Variants in MYO10 observed in about 807,000 individuals in gnomAD.
MYO10 encodes the protein unconventional myosin-X.
Under a neutral mutation model 257.3 loss-of-function variants are expected in MYO10, and 133 were observed. The ratio of observed to expected loss-of-function variants is 0.52; its 90% confidence interval spans 0.45 to 0.60. The LOEUF (loss-of-function observed/expected upper bound fraction) is 0.60. Ranked by LOEUF, MYO10 falls within the 20% of genes least tolerant of loss-of-function variation. The probability of loss-of-function intolerance (pLI) is 0.00; values close to 1 mark genes in which losing one functional copy is unlikely to be tolerated. For missense variants in MYO10, 2,399 were observed against 2,635.7 expected, an observed-to-expected ratio of 0.91 and a Z score of 1.97; for synonymous variants, 1,104 against 1,028.6, an observed-to-expected ratio of 1.07 and a Z score of -1.40.
chr5:16,929,147 G>T (rs1746226225), intron 1 of MYO10, among the ~76,000 whole-genome samples: 2 of 151,612 alleles, frequency 1.3e-5, no homozygotes, highest in South Asian at 4.2e-4. Context: ...AGAGATGGGG[G>T]TTTCACCGTG....
chr5:16,801,240 C>T (rs1742111057), intron 3 of MYO10, among the ~76,000 whole-genome samples: 1 of 152,166 alleles, frequency 6.6e-6, no homozygotes, highest in Non-Finnish European at 1.5e-5. Context: ...CAGAGTCTCG[C>T]TCCGTTGCCC....
At chr5:16,675,199 G>A (rs555984611) in intron 34 of MYO10, 49 bp from the exon 35 acceptor site, 4 of 1,589,542 alleles carry the variant, frequency 2.5e-6, no homozygotes, top group South Asian at 2.2e-5. Flanking sequence ...GTTCAGAATA[G>A]GGCATGAGCA....
chr5:16,695,320 T>C (rs772098018), intron 26 of MYO10, among the ~76,000 whole-genome samples: 9 of 152,062 alleles, frequency 5.9e-5, no homozygotes, highest in Non-Finnish European at 1.0e-4. Flanking sequence ...GGTGACAGAG[T>C]GAGACTCCGT....
chr5:16,748,915 TC>T (rs35953104), intron 19 of MYO10, among the ~76,000 whole-genome samples: 23,400 of 151,524 alleles, frequency 0.15, 1,980 homozygotes, highest in African/African-American at 0.2. Context: ...GGAGCTGACA[TC>T]CCCCCAAAGT....
At chr5:16,866,755 C>CTA (rs1180931036) in intron 2 of MYO10, among the ~76,000 whole-genome samples, 1 of 152,144 alleles carries the variant, frequency 6.6e-6, no homozygotes, top group Non-Finnish European at 1.5e-5. Context: ...GAATCTAACC[C>CTA]TATCTGTCCC....
intron 4 of MYO10, among the ~76,000 whole-genome samples, chr5:16,787,068 C>CTGA (rs1741602735): frequency 1.3e-5 from 2 of 152,160 alleles, no homozygotes; most frequent in South Asian, 4.1e-4. Context: ...ACTCAGGAGG[C>CTGA]TGAGGCAGGA....
intron 19 of MYO10, among the ~76,000 whole-genome samples, chr5:16,747,918 C>CAAAAAAAA (rs777257950): frequency 2.9e-4 from 9 of 30,520 alleles, no homozygotes; most frequent in Non-Finnish European, 1.2e-3. Context: ...AACTCCGTCT[C>CAAAAAAAA]AAAAAAAAAA....
intron 17 of MYO10, among the ~76,000 whole-genome samples, chr5:16,758,494 C>T (rs912976235): frequency 6.6e-6 from 1 of 152,206 alleles, no homozygotes; most frequent in Non-Finnish European, 1.5e-5. Flanking sequence ...CACTTAGGAG[C>T]TCTGTGCTTT....
rs367565824 is a variant in MYO10 at position 16,711,203 on chromosome 5, G to A, written c.1972C>T (p.Arg658Trp). 42 of 1,612,876 alleles carry A rather than the reference G, an allele frequency of 2.6e-5. No individual in the cohort carries two copies. Among genetic ancestry groups the A allele is most frequent in the East Asian group, 8.9e-5 (4 of 44,862 alleles). The stretch of plus-strand genomic sequence containing the variant: ...ACAGTCTCCAGCATCCCTGAGTACC[G>A]CAGCTGGTTCAGCACAACCGCCTGG... ...FDQAVVLNQL[R>W]YSGMLETVRI... The change falls in exon 20 of 41, where the codon CGG becomes TGG. Residue 658 changes from arginine (R) to tryptophan (W), a missense_variant. Around this residue, in one of 3 missense-constraint regions of MYO10, gnomAD observed 1,820 missense variants for 1,939.4 expected, o/e 0.94. Transcript: ENST00000513610.
intron 33 of MYO10, among the ~76,000 whole-genome samples, chr5:16,679,620 G>T (rs1440347399): frequency 1.3e-5 from 2 of 150,712 alleles, no homozygotes; most frequent in Non-Finnish European, 2.9e-5. Flanking sequence ...TGCCTCGGAG[G>T]TTCAAGCAAG....
intron 19 of MYO10, among the ~76,000 whole-genome samples, chr5:16,729,812 CAACCCTACG>C (rs1328011848): frequency 6.6e-6 from 1 of 152,076 alleles, no homozygotes; most frequent in East Asian, 1.9e-4. Context: ...GTACCCCAGC[CAACCCTACG>C]AACTCATCCA....
rs1454014639 is a variant in MYO10 at position 16,685,806 on chromosome 5, C to G, written c.3922G>C (p.Val1308Leu). Reference sequence around the variant, plus strand: ...ATCTCCTGGTCCGTGGACGCGTGGACCTGACTCAGCACGCTGAACCACTGG... The same window carrying G: ...ATCTCCTGGTCCGTGGACGCGTGGAGCTGACTCAGCACGCTGAACCACTGG... The part of the protein sequence containing the change: ...ASQWFSVLSQ[V>L]HASTDQEIQE... Residue 1308 changes from valine (V) to leucine (L), a missense_variant, in exon 29 of 41, where the codon GTC becomes CTC. By Grantham distance (32) the Val-to-Leu change is conservative. Around this residue, in one of 3 missense-constraint regions of MYO10, gnomAD observed 1,820 missense variants for 1,939.4 expected, o/e 0.94. Coordinates refer to ENST00000513610, the MANE Select transcript of MYO10 (RefSeq NM_012334.3). 6.2e-7 allele frequency: 1 copy of G among 1,601,498 alleles called. No homozygotes were observed. Among genetic ancestry groups the G allele is most frequent in the Non-Finnish European group, 8.5e-7 (1 of 1,174,490 alleles).
chr5:16,710,610 G>A (rs1738555355), intron 21 of MYO10: 1 of 397,220 alleles, frequency 2.5e-6, no homozygotes, highest in East Asian at 4.7e-5. Context: ...CCAAAGTACT[G>A]TTATTCGTCT....
rs1034480921 is a variant in MYO10, at chr5:16,784,065, G to A, written c.468-596C>T. Among the ~76,000 whole-genome samples, 7 of 152,246 alleles carry A rather than the reference G, an allele frequency of 4.6e-5. No homozygotes were observed. In the East Asian group the frequency reaches 9.7e-4, roughly 21 times the overall value. On this transcript the variant is annotated intron_variant, in intron 4 of 40. Coordinates refer to ENST00000513610, the MANE Select transcript of MYO10 (RefSeq NM_012334.3). ...TGATCCAAAGTCCTGCCAAGGTCACGTGTTAGTGATAGTTAAGGACAAGTG... is the reference window on the plus strand; with the variant it reads ...TGATCCAAAGTCCTGCCAAGGTCACATGTTAGTGATAGTTAAGGACAAGTG...
At chr5:16,772,320 CA>C (rs1741077931) in intron 9 of MYO10, among the ~76,000 whole-genome samples, 1 of 152,108 alleles carries the variant, frequency 6.6e-6, no homozygotes, top group East Asian at 1.9e-4. Context: ...TTAGTAGAGA[CA>C]GGGGGTTCTC....
intron 2 of MYO10, among the ~76,000 whole-genome samples, chr5:16,853,064 T>TA (rs958967964): frequency 2.6e-5 from 4 of 151,638 alleles, no homozygotes; most frequent in African/African-American, 4.8e-5. Flanking sequence ...AAATCCATTA[T>TA]AAAAAAAAAT....
At chr5:16,671,573 T>C in intron 37 of MYO10, 31 bp from the exon 38 acceptor site, 2 of 1,613,660 alleles carry the variant, frequency 1.2e-6, no homozygotes, top group East Asian at 4.5e-5. Flanking sequence ...AGGCTCAGAA[T>C]ATGAACGAGA....
Position 16,663,172 on chromosome 5 carries a change from G to T in MYO10, c.*3520C>A, listed in dbSNP as rs1413082032. 1 of 152,060 alleles carries T rather than the reference G, an allele frequency of 6.6e-6. No individual in the cohort carries two copies. The highest frequency in any genetic ancestry group is 2.4e-5 in the African/African-American group (1 of 41,384). 9.4% of individuals were successfully genotyped at this position (152,060 alleles called of 1,614,324 possible). A position where few individuals can be genotyped will look rare whatever the true frequency, so the allele number is the denominator to read the frequency against. The stretch of plus-strand genomic sequence containing the variant: ...GTTTGTTTCCATCTATTAAAAATGA[G>T]GATGGGGATATATATGTATGTATGA... On this transcript the variant is annotated 3_prime_UTR_variant, in exon 41 of 41. Coordinates refer to ENST00000513610, the MANE Select transcript of MYO10 (RefSeq NM_012334.3).
chr5:16,882,533 A>C (rs1322043768), intron 1 of MYO10, among the ~76,000 whole-genome samples: 2 of 152,218 alleles, frequency 1.3e-5, no homozygotes, highest in African/African-American at 4.8e-5. Context: ...AGAGATACTC[A>C]GAATAAATCC....
Sources: allele counts gnomAD v4.1 joint callset (sites outside exome capture counted in the v4.1 genomes callset), GRCh38; gene constraint gnomAD v4.1.1; regional missense constraint gnomAD v4.1.1; transcripts MANE v1.5; gene names NCBI Gene and HGNC (gene_info 2026-07-23, HGNC 2026-07-21).